ANK1: variants seen among roughly 807,000 people sequenced by gnomAD.
The protein encoded by ANK1 is ankyrin 1.
ANK1 carries 51 observed loss-of-function variants against 210.4 expected under a neutral mutation model. That is an observed-to-expected ratio of 0.24 (90% CI 0.19 to 0.31). The LOEUF (loss-of-function observed/expected upper bound fraction) is 0.31. ANK1 is among the 10% of genes least tolerant of loss of function. ANK1 has a pLI of 1.00. For synonymous variants in ANK1, 967 were observed against 1,025.9 expected, an observed-to-expected ratio of 0.94 and a Z score of 1.10; for missense variants, 2,051 against 2,504.4, an observed-to-expected ratio of 0.82 and a Z score of 3.86.
intron 2 of ANK1, among the ~76,000 whole-genome samples, chr8:41,752,236 G>T (rs1837884010): frequency 6.6e-6 from 1 of 152,140 alleles, no homozygotes; most frequent in African/African-American, 2.4e-5. Flanking sequence ...TCCTTCACCA[G>T]CATGCACAGG....
chr8:41,730,483 G>A (rs935087988), intron 3 of ANK1, among the ~76,000 whole-genome samples: 6 of 149,912 alleles, frequency 4.0e-5, no homozygotes, highest in Admixed American at 6.6e-5. Context: ...CATAAAGCCT[G>A]TTTATGTTTT....
intron 1 of ANK1, among the ~76,000 whole-genome samples, chr8:41,777,783 C>T (rs972738991): frequency 1.3e-5 from 2 of 152,110 alleles, no homozygotes; most frequent in African/African-American, 4.8e-5. Flanking sequence ...CACTCGTGAC[C>T]TTGAACTCCT....
intron 3 of ANK1, among the ~76,000 whole-genome samples, 170 bp from the exon 4 acceptor site, chr8:41,728,176 A>T (rs1831209571): frequency 6.6e-6 from 1 of 152,222 alleles, no homozygotes; most frequent in African/African-American, 2.4e-5. Flanking sequence ...TCCTGAAATC[A>T]TACTGAAAGT....
intron 1 of ANK1, among the ~76,000 whole-genome samples, chr8:41,855,127 T>C (rs1329770568): frequency 6.6e-6 from 1 of 152,158 alleles, no homozygotes. Context: ...CCAACTGCAG[T>C]GTCAGCTAAG....
intron 39 of ANK1, among the ~76,000 whole-genome samples, chr8:41,667,503 T>C (rs1185976110): frequency 1.3e-5 from 2 of 151,868 alleles, no homozygotes; most frequent in African/African-American, 2.4e-5. Context: ...TTCCAAATAA[T>C]AGTCAGTGGG....
At chr8:41,698,852 A>C (rs1821847182) in intron 23 of ANK1, among the ~76,000 whole-genome samples, 2 of 151,822 alleles carry the variant, frequency 1.3e-5, no homozygotes, top group Non-Finnish European at 1.5e-5. Flanking sequence ...GCTGGAGTGC[A>C]GTGGCGCGAT....
intron 1 of ANK1, among the ~76,000 whole-genome samples, chr8:41,758,499 T>C (rs947327955): frequency 6.6e-6 from 1 of 151,992 alleles, no homozygotes; most frequent in Non-Finnish European, 1.5e-5. Flanking sequence ...AGCCCAACTA[T>C]TTTTTTAAAC....
intron 2 of ANK1, among the ~76,000 whole-genome samples, chr8:41,738,605 AAGG>A (rs1314359612): frequency 1.3e-5 from 2 of 152,188 alleles, no homozygotes; most frequent in Non-Finnish European, 2.9e-5. Flanking sequence ...CTCAAATGAG[AAGG>A]AGGAGGAGGA....
chr8:41,813,657 A>G (rs1193223512), intron 1 of ANK1, among the ~76,000 whole-genome samples: 1 of 152,230 alleles, frequency 6.6e-6, no homozygotes, highest in African/African-American at 2.4e-5. Context: ...TAGAACTTTT[A>G]ATAGGGAATC....
At chr8:41,783,626 C>T (rs1242454276) in intron 1 of ANK1, among the ~76,000 whole-genome samples, 1 of 149,988 alleles carries the variant, frequency 6.7e-6, no homozygotes, top group African/African-American at 2.5e-5. Context: ...TGGAGACTGA[C>T]ACTGCATTTC....
chr8:41,781,086 A>G (rs1394360214), intron 1 of ANK1, among the ~76,000 whole-genome samples: 1 of 152,208 alleles, frequency 6.6e-6, no homozygotes, highest in African/African-American at 2.4e-5. Flanking sequence ...GTTCTTCTAC[A>G]TTTGTGGAAA....
At chr8:41,702,645 C>G (rs912254397) in intron 20 of ANK1, among the ~76,000 whole-genome samples, 1 of 152,246 alleles carries the variant, frequency 6.6e-6, no homozygotes, top group African/African-American at 2.4e-5. Context: ...ACCAGAAATA[C>G]AGCAAGGGCA....
chr8:41,754,757 G>A (rs903768093), intron 2 of ANK1, among the ~76,000 whole-genome samples: 1 of 152,194 alleles, frequency 6.6e-6, no homozygotes, highest in Non-Finnish European at 1.5e-5. Context: ...ATGCAGGCAT[G>A]GGTTCAGCCA....
Position 41,792,500 on chromosome 8 carries a change from T to C in ANK1, c.27+5012A>G, listed in dbSNP as rs143917859. Among the ~76,000 whole-genome samples the C allele has an allele frequency of 4.3e-4, 66 of 152,318 alleles. 1 individual carries two copies. The highest frequency in any genetic ancestry group is 3.5e-3 in the South Asian group (17 of 4,822). ...GACTCATTCATGGGTTTCCAATTAATTCACTTAACAAATCTATTTTTCAGC... is the reference window on the plus strand; with the variant it reads ...GACTCATTCATGGGTTTCCAATTAACTCACTTAACAAATCTATTTTTCAGC... On this transcript the variant is annotated intron_variant, in intron 1 of 42. Coordinates refer to ENST00000289734, the MANE Select transcript of ANK1 (RefSeq NM_000037.4).
chr8:41,814,456 A>C (rs1803004955), intron 1 of ANK1, among the ~76,000 whole-genome samples: 1 of 152,072 alleles, frequency 6.6e-6, no homozygotes, highest in South Asian at 2.1e-4. Context: ...TGAATCCATC[A>C]GTTTCCTTAT....
In ANK1 at chr8:41,678,385, G is replaced by A. The variant is rs182397737; in HGVS notation, c.4538-5473C>T. ...TCGAACTTCTGACCTCAAGTGATCC[G>A]CCCACCTGGGCCTCCAAAAGTGCTG... On this transcript the variant is annotated intron_variant, in intron 37 of 42. Transcript: ENST00000289734. Among the ~76,000 whole-genome samples, 747 of 152,146 alleles carry A rather than the reference G, an allele frequency of 4.9e-3. 6 individuals are homozygous for A. Among genetic ancestry groups the A allele is most frequent in the Non-Finnish European group, 7.0e-3 (473 of 67,976 alleles).
intron 1 of ANK1, among the ~76,000 whole-genome samples, chr8:41,836,485 C>T (rs528160549): frequency 3.9e-5 from 6 of 152,334 alleles, no homozygotes; most frequent in African/African-American, 1.2e-4. Context: ...TCCTTGACAC[C>T]GCCCAGCAAT....
intron 42 of ANK1, among the ~76,000 whole-genome samples, chr8:41,659,558 A>G (rs1162629009): frequency 1.3e-5 from 2 of 152,170 alleles, no homozygotes. Context: ...TAAATTAGGA[A>G]GCCTTTGGGC....
At chr8:41,887,478 T>A (rs1818668541) in intron 1 of ANK1, among the ~76,000 whole-genome samples, 1 of 152,116 alleles carries the variant, frequency 6.6e-6, no homozygotes, top group Non-Finnish European at 1.5e-5. Flanking sequence ...AGGCTGGTCT[T>A]GAGCTCCTAG....
Sources: allele counts gnomAD v4.1 joint callset (sites outside exome capture counted in the v4.1 genomes callset), GRCh38; gene constraint gnomAD v4.1.1; transcripts MANE v1.5; gene names NCBI Gene and HGNC (gene_info 2026-07-23, HGNC 2026-07-21).